The following KIF26B variants were observed in gnomAD, a reference collection of about 807,000 sequenced individuals.
KIF26B encodes the protein kinesin-like protein KIF26B.
In KIF26B, 63 loss-of-function variants were observed where a neutral mutation model predicts 151.2. The observed-to-expected ratio is 0.42, with a 90% CI of 0.34 to 0.51. The LOEUF is 0.51. Among genes scored for constraint, KIF26B ranks in the 20% least tolerant of loss-of-function variants. The pLI, the probability that KIF26B is intolerant of heterozygous loss-of-function variation, is 0.07. For missense variants in KIF26B, 2,813 were observed against 2,913.6 expected, an observed-to-expected ratio of 0.97 and a Z score of 0.79; for synonymous variants, 1,357 against 1,262.1, an observed-to-expected ratio of 1.08 and a Z score of -1.59.
At chr1:245,211,352 G>C (rs1379294649) in intron 2 of KIF26B, among the ~76,000 whole-genome samples, 2 of 152,200 alleles carry the variant, frequency 1.3e-5, no homozygotes, top group Non-Finnish European at 2.9e-5. Flanking sequence ...CGCTGTGACT[G>C]TCTAGCTGTC....
chr1:245,699,091 C>T (rs924779156), intron 14 of KIF26B, 54 bp downstream of exon 14: 27 of 1,569,030 alleles, frequency 1.7e-5, no homozygotes, highest in Admixed American at 1.0e-4. Flanking sequence ...CCTGCTCAAC[C>T]GGGCTGGCGT....
chr1:245,635,098 G>GT (rs55861540), intron 9 of KIF26B, among the ~76,000 whole-genome samples: 75,072 of 132,944 alleles, frequency 0.56, 20,948 homozygotes, highest in East Asian at 0.77. Context: ...AGGTTTTTGT[G>GT]TTTTTTTTTT....
chr1:245,330,132 GAC>G (rs1326474535), intron 2 of KIF26B, among the ~76,000 whole-genome samples: 1 of 151,760 alleles, frequency 6.6e-6, no homozygotes, highest in African/African-American at 2.4e-5. Context: ...TATCTGAGCA[GAC>G]ACAGTCCACT....
chr1:245,465,789 C>T (rs1442881523), intron 4 of KIF26B, among the ~76,000 whole-genome samples: 1 of 152,184 alleles, frequency 6.6e-6, no homozygotes, highest in Non-Finnish European at 1.5e-5. Flanking sequence ...GGGGAAGCCA[C>T]GACCACCACC....
intron 3 of KIF26B, among the ~76,000 whole-genome samples, chr1:245,384,849 T>A (rs1484699898): frequency 6.6e-6 from 1 of 152,228 alleles, no homozygotes. Context: ...TATGTGTAGG[T>A]TTAGGTAAGA....
At chr1:245,492,719 T>C (rs953643113) in intron 4 of KIF26B, among the ~76,000 whole-genome samples, 1 of 152,204 alleles carries the variant, frequency 6.6e-6, no homozygotes, top group Non-Finnish European at 1.5e-5. Flanking sequence ...TAGGTGGGGC[T>C]ATAGGTTTTC....
chr1:245,654,367 C>T (rs756790934), intron 10 of KIF26B, among the ~76,000 whole-genome samples: 32 of 152,078 alleles, frequency 2.1e-4, no homozygotes, highest in Non-Finnish European at 4.4e-4. Flanking sequence ...ACGAGACGCT[C>T]CTGACTTTGA....
intron 3 of KIF26B, among the ~76,000 whole-genome samples, chr1:245,398,968 G>A (rs1369451447): frequency 6.6e-6 from 1 of 151,994 alleles, no homozygotes; most frequent in East Asian, 1.9e-4. Flanking sequence ...ATATTTCCTG[G>A]GAAATGAGAT....
intron 5 of KIF26B, among the ~76,000 whole-genome samples, chr1:245,596,258 C>T (rs1034540369): frequency 2.6e-5 from 4 of 152,082 alleles, no homozygotes; most frequent in Admixed American, 6.6e-5. Context: ...GTTAGGGTGT[C>T]GATTTTAGAT....
chr1:245,600,679 G>A (rs944264498), intron 5 of KIF26B, among the ~76,000 whole-genome samples: 3 of 151,876 alleles, frequency 2.0e-5, no homozygotes, highest in African/African-American at 7.3e-5. Context: ...CAGCGTTAAT[G>A]GTAAGGCTTG....
At chr1:245,212,094 C>G (rs777769355) in intron 2 of KIF26B, among the ~76,000 whole-genome samples, 2 of 152,182 alleles carry the variant, frequency 1.3e-5, no homozygotes, top group Non-Finnish European at 2.9e-5. Context: ...AGACCCTTCC[C>G]GACAACACTG....
chr1:245,684,207 G>A, intron 10 of KIF26B, 26 bp from the exon 11 acceptor site: 1 of 1,601,398 alleles, frequency 6.2e-7, no homozygotes, highest in Non-Finnish European at 8.5e-7. Context: ...GGCCGCTAAT[G>A]CAGCCTAATT....
Position 245,419,640 on chromosome 1 carries a change from A to G in KIF26B, c.1061A>G (p.Tyr354Cys), listed in dbSNP as rs1314631823. ...CTAACAGAAGCAGTGCTGAACCGCT[A>G]CAATGCAGACAAGCCTTCCGCCTGC... ...EGLTEAVLNR[Y>C]NADKPSACSV... The change falls in exon 4 of 15, where the codon TAC becomes TGC. Residue 354 changes from tyrosine to cysteine, a missense_variant. By Grantham distance (194) the Tyr-to-Cys change is radical (BLOSUM62 -2). Coordinates refer to ENST00000407071, the MANE Select transcript of KIF26B (RefSeq NM_018012.4). The G allele has an allele frequency of 3.1e-6, 5 of 1,613,952 alleles. No individual in the cohort carries two copies. The highest frequency in any genetic ancestry group is 3.4e-6 in the Non-Finnish European group (4 of 1,179,850).
intron 3 of KIF26B, among the ~76,000 whole-genome samples, chr1:245,385,192 A>G (rs1290110894): frequency 1.3e-5 from 2 of 152,362 alleles, no homozygotes; most frequent in East Asian, 3.9e-4. Flanking sequence ...AGAAAATGGG[A>G]ACTAAAATAG....
intron 5 of KIF26B, among the ~76,000 whole-genome samples, chr1:245,577,551 G>C (rs1031719144): frequency 1.3e-5 from 2 of 151,854 alleles, no homozygotes; most frequent in African/African-American, 4.9e-5. Flanking sequence ...TCCCCTACAT[G>C]GAAGAGCTTT....
At position 245,627,006 on chromosome 1, in the gene KIF26B, T is replaced by C. The variant is rs187658418; in HGVS notation, c.2098+15030T>C. On this transcript the variant is annotated intron_variant, in intron 9 of 14. Coordinates refer to ENST00000407071, the MANE Select transcript of KIF26B (RefSeq NM_018012.4). The stretch of plus-strand genomic sequence containing the variant: ...AAGGGGATGTCCTTTCCCCAATGCA[T>C]GTTCTTGGTGCCTTTGTCAAAAATG... Among the ~76,000 whole-genome samples the C allele has an allele frequency of 9.9e-4, 151 of 152,294 alleles. No individual in the cohort carries two copies. In the Middle Eastern group the frequency reaches 0.01, roughly 10 times the overall value.
chr1:245,645,136 C>A (rs1217053621), intron 9 of KIF26B, among the ~76,000 whole-genome samples: 1 of 152,078 alleles, frequency 6.6e-6, no homozygotes, highest in African/African-American at 2.4e-5. Flanking sequence ...ACCCCCAAGA[C>A]CCAAACACCT....
chr1:245,232,299 G>C (rs1573723227), intron 2 of KIF26B, among the ~76,000 whole-genome samples: 1 of 152,212 alleles, frequency 6.6e-6, no homozygotes, highest in South Asian at 2.1e-4. Context: ...AAGCAGGACA[G>C]TCAGGAGTAG....
intron 4 of KIF26B, among the ~76,000 whole-genome samples, chr1:245,428,989 T>TGGGGGGGGGGGGGGGGGGG (rs1558162150): frequency 1.2e-5 from 1 of 81,820 alleles, no homozygotes; most frequent in African/African-American, 4.5e-5. Context: ...GGGGCGGGGG[T>TGGGGGGGGGGGGGGGGGGG]GGGGGGCAGT....
Sources: gnomAD v4.1 joint callset for allele counts (sites outside exome capture counted in the v4.1 genomes callset) on GRCh38, gnomAD v4.1.1 for gene constraint, MANE v1.5 for transcripts, NCBI Gene and HGNC (gene_info 2026-07-23, HGNC 2026-07-21) for gene names.